HSDL2: variants seen among roughly 807,000 people sequenced by gnomAD.
HSDL2 encodes hydroxysteroid dehydrogenase like 2.
A neutral mutation model predicts 46.3 loss-of-function variants in HSDL2; 27 were observed. That is an observed-to-expected ratio of 0.58 (90% CI 0.43 to 0.80). The LOEUF (loss-of-function observed/expected upper bound fraction) is 0.80. Among genes scored for constraint, HSDL2 ranks in the 30% least tolerant of loss-of-function variants. HSDL2 has a pLI of 0.00. For synonymous variants in HSDL2, 153 were observed against 163.6 expected, an observed-to-expected ratio of 0.94 and a Z score of 0.50; for missense variants, 451 against 502.7, an observed-to-expected ratio of 0.90 and a Z score of 0.98.
intron 1 of HSDL2, among the ~76,000 whole-genome samples, chr9:112,382,853 C>T (rs1308807718): frequency 2.0e-5 from 3 of 152,034 alleles, no homozygotes; most frequent in South Asian, 2.1e-4. Context: ...TTTGATTATA[C>T]TGTTTATTTA....
intron 6 of HSDL2, among the ~76,000 whole-genome samples, chr9:112,429,488 A>G (rs1397879530): frequency 2.0e-5 from 3 of 152,156 alleles, no homozygotes; most frequent in Non-Finnish European, 4.4e-5. Flanking sequence ...TGGGGTAACA[A>G]AGTCAGAAAA....
At chr9:112,415,058 G>A (rs893760899) in intron 4 of HSDL2, among the ~76,000 whole-genome samples, 2 of 152,018 alleles carry the variant, frequency 1.3e-5, no homozygotes, top group Admixed American at 1.3e-4. Flanking sequence ...TATAAATTAA[G>A]CTATAATATA....
At chr9:112,386,816 A>G (rs1243968595) in intron 1 of HSDL2, among the ~76,000 whole-genome samples, 1 of 152,208 alleles carries the variant, frequency 6.6e-6, no homozygotes, top group African/African-American at 2.4e-5. Context: ...TACACGAGCA[A>G]AAATCTGCAA....
intron 7 of HSDL2, among the ~76,000 whole-genome samples, chr9:112,440,295 G>C (rs1457320365): frequency 6.6e-6 from 1 of 151,928 alleles, no homozygotes; most frequent in Non-Finnish European, 1.5e-5. Flanking sequence ...CCAGAAGTTT[G>C]CTTAAACTTC....
At chr9:112,387,918 C>G (rs1490748064) in intron 1 of HSDL2, among the ~76,000 whole-genome samples, 2 of 151,714 alleles carry the variant, frequency 1.3e-5, no homozygotes, top group African/African-American at 4.8e-5. Context: ...CAGCACTTTG[C>G]AAGACCAAGG....
chr9:112,409,341 C>T (rs1472341172), intron 4 of HSDL2, among the ~76,000 whole-genome samples: 1 of 152,080 alleles, frequency 6.6e-6, no homozygotes, highest in African/African-American at 2.4e-5. Context: ...AGGCGCCCAC[C>T]ACCATGCCCA....
intron 6 of HSDL2, among the ~76,000 whole-genome samples, chr9:112,433,586 G>C (rs1017999717): frequency 6.6e-6 from 1 of 152,170 alleles, no homozygotes; most frequent in Non-Finnish European, 1.5e-5. Context: ...TGGCTTGTAA[G>C]ACTGTAGAGA....
At chr9:112,427,349 C>G (rs886914380) in intron 6 of HSDL2, among the ~76,000 whole-genome samples, 2 of 152,230 alleles carry the variant, frequency 1.3e-5, no homozygotes, top group Admixed American at 1.3e-4. Flanking sequence ...GCCAATGCGC[C>G]TGGCCCTCGC....
At chr9:112,419,748 C>G (rs1185092807) in intron 6 of HSDL2, among the ~76,000 whole-genome samples, 1 of 152,086 alleles carries the variant, frequency 6.6e-6, no homozygotes, top group African/African-American at 2.4e-5. Flanking sequence ...CACAGAGTAC[C>G]TGGAACCCTG....
intron 8 of HSDL2, among the ~76,000 whole-genome samples, chr9:112,452,732 C>T (rs1274775301): frequency 3.3e-5 from 5 of 152,046 alleles, no homozygotes; most frequent in Admixed American, 6.6e-5. Context: ...GGTGACAAAG[C>T]GAGACTGTCT....
intron 3 of HSDL2, 48 bp from the exon 4 acceptor site, chr9:112,408,859 G>T (rs1188503611): frequency 5.0e-6 from 5 of 997,474 alleles, no homozygotes; most frequent in Admixed American, 4.1e-5. Flanking sequence ...TTTTTTGTGT[G>T]TGATAAAAAG....
intron 1 of HSDL2, among the ~76,000 whole-genome samples, chr9:112,395,729 C>A (rs1342466564): frequency 6.6e-6 from 1 of 152,244 alleles, no homozygotes; most frequent in Non-Finnish European, 1.5e-5. Context: ...GGTTTAATTA[C>A]AGCATTAATG....
intron 6 of HSDL2, among the ~76,000 whole-genome samples, chr9:112,438,060 G>A (rs764401217): frequency 4.3e-4 from 66 of 152,078 alleles, no homozygotes; most frequent in Non-Finnish European, 7.9e-4. Context: ...AGCCAACATG[G>A]TGAAACCCCG....
intron 6 of HSDL2, among the ~76,000 whole-genome samples, chr9:112,421,428 C>T (rs1832119800): frequency 6.6e-6 from 1 of 152,166 alleles, no homozygotes; most frequent in Non-Finnish European, 1.5e-5. Context: ...GAGGAACCAC[C>T]TTAGGAATCA....
At chr9:112,457,183 C>T (rs925352254) in intron 9 of HSDL2, among the ~76,000 whole-genome samples, 5 of 151,830 alleles carry the variant, frequency 3.3e-5, no homozygotes, top group Middle Eastern at 3.2e-3. Context: ...GGAAATCAAG[C>T]GCTTTCTGCT....
intron 10 of HSDL2, among the ~76,000 whole-genome samples, chr9:112,466,061 GTTA>G (rs1312948162): frequency 6.6e-6 from 1 of 151,998 alleles, no homozygotes; most frequent in Non-Finnish European, 1.5e-5. Flanking sequence ...CTTCTTTTTT[GTTA>G]TTATTTTGTT....
rs371306023 is a variant in HSDL2, at chr9:112,418,050, C to G, written c.500-810C>G. On this transcript the variant is annotated intron_variant, in intron 5 of 10. Coordinates refer to ENST00000398805, the MANE Select transcript of HSDL2 (RefSeq NM_032303.5). ...CAAGATTGCACCACTGTGCTCCAGCCTGGGCAACAGAGTGAAACTGTATCT... is the reference window on the plus strand; with the variant it reads ...CAAGATTGCACCACTGTGCTCCAGCGTGGGCAACAGAGTGAAACTGTATCT... 1.3e-4 allele frequency among the ~76,000 whole-genome samples: 20 copies of G among 152,212 alleles called. No individual in the cohort carries two copies. The South Asian group carries it at 4.1e-3, about 32-fold the overall frequency.
intron 1 of HSDL2, among the ~76,000 whole-genome samples, chr9:112,385,385 G>A (rs1036219876): frequency 6.6e-6 from 1 of 151,982 alleles, no homozygotes; most frequent in Non-Finnish European, 1.5e-5. Flanking sequence ...ATGGAGTGCA[G>A]TGGCGCGATC....
At chr9:112,412,224 C>T (rs906976863) in intron 4 of HSDL2, among the ~76,000 whole-genome samples, 3 of 152,198 alleles carry the variant, frequency 2.0e-5, no homozygotes, top group Non-Finnish European at 4.4e-5. Flanking sequence ...TGGTCCCAAG[C>T]TAAACTTGTA....
Sources: allele counts gnomAD v4.1 joint callset (sites outside exome capture counted in the v4.1 genomes callset), GRCh38; gene constraint gnomAD v4.1.1; transcripts MANE v1.5; gene names NCBI Gene and HGNC (gene_info 2026-07-23, HGNC 2026-07-21).